RPS6KA2: variants seen among roughly 807,000 people sequenced by gnomAD.
The protein encoded by RPS6KA2 is ribosomal protein S6 kinase A2, also known as ribosomal protein S6 kinase alpha-2.
RPS6KA2 carries 42 observed loss-of-function variants against 91.8 expected under a neutral mutation model. That is an observed-to-expected ratio of 0.46 (90% CI 0.36 to 0.59). The LOEUF is 0.59. Among genes scored for constraint, RPS6KA2 ranks in the 20% least tolerant of loss-of-function variants. RPS6KA2 has a pLI of 0.00. For synonymous variants in RPS6KA2, 414 were observed against 393.6 expected (o/e 1.05, Z -0.61); for missense variants, 798 against 978.5 (o/e 0.82, Z 2.46).
intron 1 of RPS6KA2, among the ~76,000 whole-genome samples, chr6:166,597,784 A>G (rs1328976457): frequency 6.6e-6 from 1 of 152,190 alleles, no homozygotes; most frequent in Non-Finnish European, 1.5e-5. Flanking sequence ...GGGTGACGGC[A>G]TCATCGAGAA....
At position 166,410,478 on chromosome 6, in the gene RPS6KA2, G is replaced by A. The variant is rs1172692467; in HGVS notation, c.*2284C>T. On this transcript the variant is annotated 3_prime_UTR_variant, in exon 21 of 21. Transcript: ENST00000265678. ...TTTTGTTCTGGATATGGGAGGGAAA[G>A]TAGAGGTATTTCACAGACACTCAGC... 1.3e-5 allele frequency: 2 copies of A among 152,582 alleles called. No homozygotes were observed. The highest frequency in any genetic ancestry group is 2.9e-5 in the Non-Finnish European group (2 of 68,034). The allele number at this position is 152,582 out of a possible 1,614,324, so 9.5% of individuals were successfully genotyped here.
chr6:166,571,049 T>C (rs551495519), intron 1 of RPS6KA2, among the ~76,000 whole-genome samples: 1 of 152,304 alleles, frequency 6.6e-6, no homozygotes, highest in Non-Finnish European at 1.5e-5. Context: ...CACTGCCAGA[T>C]GCTAAACCAT....
At chr6:166,474,780 C>T (rs778347945) in intron 10 of RPS6KA2, among the ~76,000 whole-genome samples, 1 of 152,186 alleles carries the variant, frequency 6.6e-6, no homozygotes, top group South Asian at 2.1e-4. Context: ...GCCAACACCA[C>T]ACCCAGGGTC....
chr6:166,618,181 A>T (rs574056327), intron 1 of RPS6KA2, among the ~76,000 whole-genome samples: 1 of 152,360 alleles, frequency 6.6e-6, no homozygotes, highest in East Asian at 1.9e-4. Context: ...ACAGGGAAGA[A>T]ACCTTCAATG....
chr6:166,812,483 T>C (rs1177611735), intron 2 of RPS6KA2, among the ~76,000 whole-genome samples: 1 of 152,192 alleles, frequency 6.6e-6, no homozygotes, highest in African/African-American at 2.4e-5. Flanking sequence ...AGAGAGGCCT[T>C]CCCAGGGGCT....
chr6:166,412,839 G>A lies in RPS6KA2; in HGVS notation c.2125C>T (p.Pro709Ser), dbSNP rs1261947668. 1.3e-6 allele frequency: 2 copies of A among 1,572,946 alleles called. No homozygotes were observed. The highest frequency in any genetic ancestry group is 1.7e-6 in the Non-Finnish European group (2 of 1,159,188). ...GATGACAGCACGGGCTCCAGCCGCG[G>A]GGCCTGAGGTGTTCTGTTTAGAGCA... ...YFALNRTPQA[P>S]RLEPVLSSNL... The change falls in exon 21 of 21, where the codon CCG becomes TCG. Residue 709 changes from proline to serine, a missense_variant. Coordinates refer to ENST00000265678, the MANE Select transcript of RPS6KA2 (RefSeq NM_021135.6). This position sits in a 1 kb window ranked among gnomAD's most constrained non-coding sequence, Gnocchi z 4.3.
At position 166,433,448 on chromosome 6, in the gene RPS6KA2, A is replaced by T. The variant is rs1779203300; in HGVS notation, c.1333-958T>A. On this transcript the variant is annotated intron_variant, in intron 14 of 20. Transcript: ENST00000265678. The surrounding 1 kb of genome is among the most constrained non-coding windows in gnomAD (Gnocchi z 4.4). Reference sequence around the variant, plus strand: ...GGTCCCTGGTGGCTAATCCCTCTGGAGGTGCCTAAGTCCCGCCCTTGCCGC... The same window carrying T: ...GGTCCCTGGTGGCTAATCCCTCTGGTGGTGCCTAAGTCCCGCCCTTGCCGC... 6.6e-6 allele frequency among the ~76,000 whole-genome samples: 1 copy of T among 152,186 alleles called. No homozygotes were observed. The highest frequency in any genetic ancestry group is 1.5e-5 in the Non-Finnish European group (1 of 68,030).
intron 1 of RPS6KA2, among the ~76,000 whole-genome samples, chr6:166,595,198 C>T (rs1394544403): frequency 6.6e-6 from 1 of 152,068 alleles, no homozygotes; most frequent in Non-Finnish European, 1.5e-5. Flanking sequence ...ATTACAGGCA[C>T]ATACCACCAC....
intron 5 of RPS6KA2, among the ~76,000 whole-genome samples, chr6:166,507,090 C>A (rs1359945620): frequency 2.6e-5 from 4 of 151,996 alleles, no homozygotes; most frequent in Non-Finnish European, 5.9e-5. Context: ...GTGCGAAGAC[C>A]ACACCCGATG....
intron 2 of RPS6KA2, among the ~76,000 whole-genome samples, chr6:166,845,697 G>T (rs1780587963): frequency 6.6e-6 from 1 of 152,062 alleles, no homozygotes; most frequent in African/African-American, 2.4e-5. Context: ...CAAAACCTCT[G>T]GGATACAGCA....
intron 2 of RPS6KA2, among the ~76,000 whole-genome samples, chr6:166,790,398 G>A (rs1006142564): frequency 1.3e-5 from 2 of 152,240 alleles, no homozygotes; most frequent in Admixed American, 6.5e-5. Context: ...AGGTGTACCT[G>A]AAAGTGATGG....
At chr6:166,663,501 CTG>C (rs1582998159) in intron 2 of RPS6KA2, among the ~76,000 whole-genome samples, 1 of 152,238 alleles carries the variant, frequency 6.6e-6, no homozygotes, top group African/African-American at 2.4e-5. Context: ...AGATGCTACT[CTG>C]TGAGTGGCTG....
At chr6:166,582,676 C>G (rs1785058721) in intron 1 of RPS6KA2, among the ~76,000 whole-genome samples, 2 of 152,108 alleles carry the variant, frequency 1.3e-5, no homozygotes, top group East Asian at 3.8e-4. Flanking sequence ...AAAAAATGGG[C>G]AGTAATAAAA....
At chr6:166,553,902 C>T (rs544822248) in intron 1 of RPS6KA2, among the ~76,000 whole-genome samples, 5 of 152,250 alleles carry the variant, frequency 3.3e-5, no homozygotes, top group South Asian at 4.2e-4. Flanking sequence ...GATTTGCATC[C>T]GTATTCTTGG....
chr6:166,806,242 A>C (rs1779489746), intron 2 of RPS6KA2, among the ~76,000 whole-genome samples: 1 of 152,222 alleles, frequency 6.6e-6, no homozygotes, highest in Non-Finnish European at 1.5e-5. Context: ...CCAAAATTTG[A>C]CTTAAAAGAC....
Position 166,437,713 on chromosome 6 carries a change from G to T in RPS6KA2, c.1333-5223C>A, listed in dbSNP as rs1442386490. Among the ~76,000 whole-genome samples, 1 of 152,206 alleles carries T rather than the reference G, an allele frequency of 6.6e-6. No homozygotes were observed. The highest frequency in any genetic ancestry group is 2.4e-5 in the African/African-American group (1 of 41,460). On this transcript the variant is annotated intron_variant, in intron 14 of 20. Coordinates refer to ENST00000265678, the MANE Select transcript of RPS6KA2 (RefSeq NM_021135.6). This position sits in a 1 kb window ranked among gnomAD's most constrained non-coding sequence, Gnocchi z 4.3. ...TTCAACATGGATGGCACACCACCAT[G>T]ATCTTCCTGAGCACGGACACATGCA... is the stretch of plus-strand genomic sequence containing the variant.
chr6:166,659,148 C>T (rs1383878680), intron 2 of RPS6KA2, among the ~76,000 whole-genome samples: 1 of 141,590 alleles, frequency 7.1e-6, no homozygotes, highest in African/African-American at 2.7e-5. Flanking sequence ...AAATGAAGCA[C>T]TAATGAGCAT....
At chr6:166,436,850 G>A (rs1172837949) in intron 14 of RPS6KA2, among the ~76,000 whole-genome samples, 1 of 152,058 alleles carries the variant, frequency 6.6e-6, no homozygotes. Flanking sequence ...GAGTCGTGGC[G>A]GGAATAGGTT....
intron 2 of RPS6KA2, among the ~76,000 whole-genome samples, chr6:166,840,820 A>C (rs1780453606): frequency 6.6e-6 from 1 of 152,092 alleles, no homozygotes; most frequent in Non-Finnish European, 1.5e-5. Flanking sequence ...AAAATTAGCC[A>C]GGTGTGGTGG....
Sources: allele counts gnomAD v4.1 joint callset (sites outside exome capture counted in the v4.1 genomes callset), GRCh38; gene constraint gnomAD v4.1.1; non-coding constraint Gnocchi (gnomAD v3.1); transcripts MANE v1.5; gene names NCBI Gene and HGNC (gene_info 2026-07-23, HGNC 2026-07-21).